Variants in SPATA6 observed in about 807,000 individuals in gnomAD.
SPATA6 encodes the protein spermatogenesis associated 6.
A neutral mutation model predicts 65.3 loss-of-function variants in SPATA6; 56 were observed. The ratio of observed to expected loss-of-function variants is 0.86; its 90% CI spans 0.69 to 1.07. SPATA6 has a LOEUF of 1.07. Among genes scored for constraint, SPATA6 ranks in the 50% least tolerant of loss-of-function variants. The pLI is 0.00. For missense variants in SPATA6, 590 were observed against 594.8 expected, an observed-to-expected ratio of 0.99 and a Z score of 0.08; for synonymous variants, 199 against 213.2, an observed-to-expected ratio of 0.93 and a Z score of 0.58.
intron 6 of SPATA6, among the ~76,000 whole-genome samples, chr1:48,403,103 G>C (rs1450635361): frequency 6.6e-6 from 1 of 152,092 alleles, no homozygotes; most frequent in South Asian, 2.1e-4. Context: ...TTGAGCCCAA[G>C]AGGTCAAAGC....
Position 48,359,651 on chromosome 1 carries a change from T to G in SPATA6, c.1029A>C (p.Ser343=). 5 of 1,613,828 alleles carry G rather than the reference T, an allele frequency of 3.1e-6. No homozygotes were observed. The highest frequency in any genetic ancestry group is 4.2e-6 in the Non-Finnish European group (5 of 1,179,806). ...RHSARTLLVH[S]APSTMPKHSP... ...AATGCTTTGGCATTGTTGAGGGTGC[T>G]GAATGGACTAGCAAGGTCCTCGCTG... Residue 343 remains serine (S), a synonymous_variant, in exon 10 of 13, where the codon TCA becomes TCC. Transcript: ENST00000371847.
At chr1:48,421,223 A>G (rs554848882) in intron 3 of SPATA6, among the ~76,000 whole-genome samples, 6 of 152,296 alleles carry the variant, frequency 3.9e-5, no homozygotes, top group African/African-American at 1.4e-4. Flanking sequence ...AGAAACAATA[A>G]ATGTTTGAGG....
chr1:48,450,457 T>C (rs975505091), intron 3 of SPATA6, among the ~76,000 whole-genome samples: 14 of 152,196 alleles, frequency 9.2e-5, no homozygotes, highest in African/African-American at 3.4e-4. Flanking sequence ...AAAGGCATTG[T>C]TTTTTAACAG....
At chr1:48,471,905 T>C in intron 1 of SPATA6, 53 bp downstream of exon 1, 1 of 1,598,188 alleles carries the variant, frequency 6.3e-7, no homozygotes, top group Non-Finnish European at 8.5e-7. Context: ...CGGAGGTGAC[T>C]GAGGGAGTCC....
chr1:48,261,765 T>C, the SPATA6 span, among the ~76,000 whole-genome samples: 10 of 152,204 alleles, frequency 6.6e-5, no homozygotes, highest in African/African-American at 2.4e-4. Context: ...AATTGCAATT[T>C]CTATAATATA....
chr1:48,300,704 C>G (rs946218148), intron 12 of SPATA6, among the ~76,000 whole-genome samples: 4 of 151,980 alleles, frequency 2.6e-5, no homozygotes, highest in African/African-American at 9.7e-5. Context: ...TGAAAAAGAT[C>G]ATTCACCATG....
Position 48,298,626 on chromosome 1 carries a change from TAAAAAAAG to T in SPATA6, c.*79_*86del. The T allele has an allele frequency of 7.6e-7, 1 of 1,316,282 alleles. No homozygotes were observed. Among genetic ancestry groups the T allele is most frequent in the African/African-American group, 1.5e-5 (1 of 68,206 alleles). 81.5% of individuals were successfully genotyped at this position (1,316,282 alleles called of 1,614,324 possible). On this transcript the variant is annotated 3_prime_UTR_variant, in exon 13 of 13. Coordinates refer to ENST00000371847, the MANE Select transcript of SPATA6 (RefSeq NM_019073.4). ...TACTTAGTTATAATCCCATTTTTTT[TAAAAAAAG>T]GAATACAGATATTGATCACATCAAA...
At chr1:48,357,641 T>C (rs1570277829) in intron 10 of SPATA6, among the ~76,000 whole-genome samples, 2 of 152,254 alleles carry the variant, frequency 1.3e-5, no homozygotes, top group East Asian at 3.9e-4. Flanking sequence ...TTTCAATAGA[T>C]TGTATAAACA....
Position 48,453,042 on chromosome 1 carries a change from G to GAC in SPATA6, c.139_140dup (p.Pro48SerfsTer23). 6.2e-7 allele frequency: 1 copy of GAC among 1,613,996 alleles called. No homozygotes were observed. Among genetic ancestry groups the GAC allele is most frequent in the Non-Finnish European group, 8.5e-7 (1 of 1,179,956 alleles). ...TGAAGACCAGGGGAAAAGTGGCTGG[G>GAC]ACACATTGTGTCTTTTTGTATTGGC... On this transcript the variant is annotated frameshift_variant, in exon 2 of 13. Transcript: ENST00000371847. LOFTEE classifies it high-confidence loss of function.
chr1:48,310,573 T>C (rs891766347), intron 11 of SPATA6, among the ~76,000 whole-genome samples: 1 of 152,182 alleles, frequency 6.6e-6, no homozygotes, highest in Non-Finnish European at 1.5e-5. Flanking sequence ...AGTTTTTTAC[T>C]CTCATGCTGT....
intron 10 of SPATA6, among the ~76,000 whole-genome samples, chr1:48,356,264 T>C (rs535891733): frequency 6.6e-6 from 1 of 152,174 alleles, no homozygotes; most frequent in East Asian, 1.9e-4. Flanking sequence ...AATATAACTT[T>C]ATTATTAGAG....
downstream of SPATA6, among the ~76,000 whole-genome samples, chr1:48,293,968 C>G (rs554990903): frequency 2.0e-5 from 3 of 152,308 alleles, no homozygotes; most frequent in Non-Finnish European, 2.9e-5. Flanking sequence ...TAATTAAACT[C>G]AAAGTATATC....
intron 11 of SPATA6, chr1:48,325,856 T>C: frequency 2.7e-6 from 1 of 375,428 alleles, no homozygotes; most frequent in Admixed American, 3.2e-5. Flanking sequence ...CTGTGTGTAC[T>C]GTTGAGATCT....
chr1:48,280,952 G>A, the SPATA6 span, among the ~76,000 whole-genome samples: 12 of 152,006 alleles, frequency 7.9e-5, no homozygotes, highest in Non-Finnish European at 1.5e-4. Flanking sequence ...CTGGCAAACC[G>A]AATCCAGCAG....
At chr1:48,346,596 G>A (rs1646372641) in intron 11 of SPATA6, among the ~76,000 whole-genome samples, 1 of 152,064 alleles carries the variant, frequency 6.6e-6, no homozygotes, top group Non-Finnish European at 1.5e-5. Flanking sequence ...TTCTTAAGCT[G>A]AAAAATAACT....
intron 3 of SPATA6, among the ~76,000 whole-genome samples, chr1:48,434,648 G>C (rs1211143092): frequency 1.3e-5 from 2 of 152,140 alleles, no homozygotes; most frequent in Admixed American, 6.6e-5. Context: ...TTTTCAGGCA[G>C]TACATTTGTG....
intron 11 of SPATA6, among the ~76,000 whole-genome samples, chr1:48,309,805 G>C (rs538117269): frequency 7.0e-4 from 106 of 152,306 alleles, no homozygotes; most frequent in Middle Eastern, 3.4e-3. Context: ...GAGTCATCAA[G>C]TAATGATTGG....
intron 3 of SPATA6, among the ~76,000 whole-genome samples, chr1:48,421,909 ATAAAAT>A (rs144452827): frequency 0.026 from 3,955 of 152,298 alleles, 172 homozygotes; most frequent in African/African-American, 0.091. Flanking sequence ...TTCTCCCAAA[ATAAAAT>A]TAAAGAGATT....
chr1:48,345,048 C>T (rs542549612), intron 11 of SPATA6, among the ~76,000 whole-genome samples: 16 of 152,230 alleles, frequency 1.1e-4, no homozygotes, highest in Non-Finnish European at 2.2e-4. Flanking sequence ...GAACTCTACT[C>T]CCAAAAACAA....
Sources: allele counts gnomAD v4.1 joint callset (sites outside exome capture counted in the v4.1 genomes callset), GRCh38; gene constraint gnomAD v4.1.1; transcripts MANE v1.5; gene names NCBI Gene and HGNC (gene_info 2026-07-23, HGNC 2026-07-21).